CFAP54: variants seen among roughly 807,000 people sequenced by gnomAD.
CFAP54 encodes cilia- and flagella-associated protein 54.
CFAP54 carries 290 observed loss-of-function variants against 370.4 expected under a neutral mutation model. The ratio of observed to expected loss-of-function variants is 0.78; its 90% CI spans 0.71 to 0.86. CFAP54 has a LOEUF of 0.86. Ranked by LOEUF, CFAP54 falls within the 40% of genes least tolerant of loss-of-function variation. The probability of loss-of-function intolerance (pLI) is 0.00; values close to 1 mark genes in which losing one functional copy is unlikely to be tolerated. For synonymous variants in CFAP54, 1,206 were observed against 1,236.5 expected, an observed-to-expected ratio of 0.98 and a Z score of 0.52; for missense variants, 3,399 against 3,528.7, an observed-to-expected ratio of 0.96 and a Z score of 0.93.
chr12:96,505,514 T>TG (rs1955089875), intron 3 of CFAP54, among the ~76,000 whole-genome samples: 1 of 151,220 alleles, frequency 6.6e-6, no homozygotes, highest in African/African-American at 2.4e-5. Flanking sequence ...TTTTTTTTTT[T>TG]TTTTTTGAGA....
rs540349178 is a variant in CFAP54, at chr12:96,527,825, C to T, written c.1357+381C>T. Among the ~76,000 whole-genome samples the T allele has an allele frequency of 8.3e-4, 126 of 152,180 alleles. 1 individual carries two copies. Among genetic ancestry groups the T allele is most frequent in the Admixed American group, 1.8e-3 (28 of 15,286 alleles). On this transcript the variant is annotated intron_variant, in intron 9 of 67. Coordinates refer to ENST00000524981, the MANE Select transcript of CFAP54 (RefSeq NM_001306084.2). ...ACAAGCAGTCCACCCATCTCAGCCT[C>T]CTAAAGTGCTGGAATTACAGGTGTG...
chr12:96,822,745 C>G (rs1959047213), intron 65 of CFAP54, among the ~76,000 whole-genome samples: 1 of 152,152 alleles, frequency 6.6e-6, no homozygotes, highest in Non-Finnish European at 1.5e-5. Flanking sequence ...AGGGGGAATC[C>G]TTTAGAATAC....
intron 15 of CFAP54, among the ~76,000 whole-genome samples, chr12:96,551,902 C>T (rs1308185238): frequency 6.6e-6 from 1 of 152,032 alleles, no homozygotes; most frequent in Non-Finnish European, 1.5e-5. Context: ...AAGTCTTAGA[C>T]AGATGGGTAA....
intron 26 of CFAP54, among the ~76,000 whole-genome samples, chr12:96,620,553 T>C (rs919811376): frequency 6.6e-6 from 1 of 152,258 alleles, no homozygotes; most frequent in Non-Finnish European, 1.5e-5. Flanking sequence ...TACCCCATCT[T>C]GGGTATGTCT....
At chr12:96,802,204 C>T (rs917107244) in intron 63 of CFAP54, among the ~76,000 whole-genome samples, 1 of 152,118 alleles carries the variant, frequency 6.6e-6, no homozygotes, top group Non-Finnish European at 1.5e-5. Context: ...CACCCTGCTA[C>T]AGCCTGCGGT....
chr12:96,631,491 T>C (rs1433658559), intron 32 of CFAP54, among the ~76,000 whole-genome samples: 5 of 151,590 alleles, frequency 3.3e-5, no homozygotes, highest in Admixed American at 3.3e-4. Flanking sequence ...TTGCCTTTTT[T>C]CTCTCAATAT....
intron 26 of CFAP54, among the ~76,000 whole-genome samples, chr12:96,620,327 AATCATGG>A (rs1330260491): frequency 2.6e-5 from 4 of 152,206 alleles, no homozygotes; most frequent in Non-Finnish European, 1.5e-5. Flanking sequence ...GAAGTAATTG[AATCATGG>A]GGGCGGGTCT....
rs541337478 is a variant in CFAP54, at chr12:96,609,040, A to G, written c.3639+10273A>G. On this transcript the variant is annotated intron_variant, in intron 26 of 67. Transcript: ENST00000524981. ...TTTCAAGAAACAGTCCTAAAACACG[A>G]TGACAAACAATGCTTGAAAAAATGA... Among the ~76,000 whole-genome samples, 18 of 152,360 alleles carry G rather than the reference A, an allele frequency of 1.2e-4. No individual in the cohort carries two copies. The East Asian group carries it at 3.5e-3, about 29-fold the overall frequency.
At chr12:96,649,476 C>T (rs750392997) in intron 34 of CFAP54, among the ~76,000 whole-genome samples, 17 of 152,010 alleles carry the variant, frequency 1.1e-4, no homozygotes, top group South Asian at 4.2e-4. Flanking sequence ...GAGGGGAATG[C>T]GTGGCCGAGG....
At chr12:96,740,124 G>T in intron 51 of CFAP54, 63 bp downstream of exon 51, 9 of 924,486 alleles carry the variant, frequency 9.7e-6, no homozygotes, top group Non-Finnish European at 1.4e-5. Flanking sequence ...GGCATGCTAG[G>T]ATATTGTCTA....
At chr12:96,576,522 T>A in intron 19 of CFAP54, 63 bp from the exon 20 acceptor site, 1 of 1,235,118 alleles carries the variant, frequency 8.1e-7, no homozygotes, top group Non-Finnish European at 1.1e-6. Context: ...ACTAGAATTC[T>A]ATAAACGTAA....
At chr12:96,815,956 T>A (rs1958970378) in intron 64 of CFAP54, among the ~76,000 whole-genome samples, 1 of 152,242 alleles carries the variant, frequency 6.6e-6, no homozygotes, top group South Asian at 2.1e-4. Flanking sequence ...GCTGTTTGGG[T>A]TACTGTAGCC....
chr12:96,796,724 C>T (rs974979801), intron 63 of CFAP54, among the ~76,000 whole-genome samples: 2 of 152,040 alleles, frequency 1.3e-5, no homozygotes, highest in Non-Finnish European at 2.9e-5. Flanking sequence ...GGAATTTGAC[C>T]ATTTTATTTA....
chr12:96,725,532 C>T (rs1957822111), intron 50 of CFAP54, among the ~76,000 whole-genome samples: 1 of 152,018 alleles, frequency 6.6e-6, no homozygotes, highest in Non-Finnish European at 1.5e-5. Context: ...ATTTTGTATC[C>T]TGAGACTTTG....
intron 32 of CFAP54, among the ~76,000 whole-genome samples, chr12:96,640,348 A>G (rs866827082): frequency 1.3e-5 from 2 of 152,230 alleles, no homozygotes; most frequent in East Asian, 3.9e-4. Flanking sequence ...GAATAAAATA[A>G]CTAGGAATCC....
intron 34 of CFAP54, 131 bp downstream of exon 34, chr12:96,648,148 G>C (rs1391259897): frequency 1.7e-6 from 1 of 585,392 alleles, no homozygotes; most frequent in African/African-American, 1.9e-5. Context: ...CAATTTAGTT[G>C]AGTTTTGATA....
At position 96,693,828 on chromosome 12, in the gene CFAP54, G is replaced by T; in HGVS notation, c.6351+20G>T. 1 of 1,440,854 alleles carries T rather than the reference G, an allele frequency of 6.9e-7. No individual in the cohort carries two copies. Among genetic ancestry groups the T allele is most frequent in the Non-Finnish European group, 9.7e-7 (1 of 1,035,028 alleles). The allele number at this position is 1,440,854 out of a possible 1,614,324, so 89.3% of individuals were successfully genotyped here. On this transcript the variant is annotated intron_variant, in intron 45 of 67. Coordinates refer to ENST00000524981, the MANE Select transcript of CFAP54 (RefSeq NM_001306084.2). ...CTCAAGGTATGTTACAAGCTTTTAA[G>T]ACATTTGATATTCTTGAACTATTAA...
chr12:96,702,309 T>C (rs931185722), intron 46 of CFAP54, among the ~76,000 whole-genome samples: 1 of 152,032 alleles, frequency 6.6e-6, no homozygotes, highest in African/African-American at 2.4e-5. Flanking sequence ...GCAGATCATA[T>C]AGGGTCTGGA....
intron 26 of CFAP54, among the ~76,000 whole-genome samples, chr12:96,618,926 A>G (rs1228895473): frequency 6.6e-6 from 1 of 152,160 alleles, no homozygotes; most frequent in African/African-American, 2.4e-5. Flanking sequence ...GAGATCAGGC[A>G]TGATCTCAGC....
Sources: gnomAD v4.1 joint callset for allele counts (sites outside exome capture counted in the v4.1 genomes callset) on GRCh38, gnomAD v4.1.1 for gene constraint, MANE v1.5 for transcripts, NCBI Gene and HGNC (gene_info 2026-07-23, HGNC 2026-07-21) for gene names.